The following GNAO1 variants were observed in gnomAD, a reference collection of about 807,000 sequenced individuals.
GNAO1 encodes the protein G protein subunit alpha o1.
For missense variants in GNAO1, 166 were observed against 478.7 expected, an observed-to-expected ratio of 0.35 and a Z score of 6.10; for synonymous variants, 164 against 180.7, an observed-to-expected ratio of 0.91 and a Z score of 0.74.
At chr16:56,217,132 C>A (rs908197150) in intron 2 of GNAO1, among the ~76,000 whole-genome samples, 7 of 152,164 alleles carry the variant, frequency 4.6e-5, no homozygotes, top group African/African-American at 1.7e-4. Flanking sequence ...TAATTTGGAG[C>A]TCAAGATTGA....
At chr16:56,199,532 G>A (rs2036263194) in intron 2 of GNAO1, among the ~76,000 whole-genome samples, 1 of 152,210 alleles carries the variant, frequency 6.6e-6, no homozygotes, top group South Asian at 2.1e-4. Flanking sequence ...CCAGGGAGCA[G>A]AGAGATTTGC....
chr16:56,222,373 C>A (rs1019292590), intron 2 of GNAO1, among the ~76,000 whole-genome samples: 4 of 152,166 alleles, frequency 2.6e-5, no homozygotes, highest in Admixed American at 6.5e-5. Flanking sequence ...CTGCTCCCCA[C>A]AAATTGTAGA....
At chr16:56,218,999 G>A (rs539786819) in intron 2 of GNAO1, among the ~76,000 whole-genome samples, 224 of 152,258 alleles carry the variant, frequency 1.5e-3, no homozygotes, top group Non-Finnish European at 2.4e-3. Context: ...CACTTTAGGG[G>A]AATATGCTCA....
intron 2 of GNAO1, among the ~76,000 whole-genome samples, chr16:56,211,672 CAG>C (rs2036389798): frequency 6.6e-6 from 1 of 152,180 alleles, no homozygotes; most frequent in Non-Finnish European, 1.5e-5. Flanking sequence ...CATCTTGTTT[CAG>C]TCGCGACTTG....
At chr16:56,217,273 G>A (rs576780452) in intron 2 of GNAO1, among the ~76,000 whole-genome samples, 114 of 152,226 alleles carry the variant, frequency 7.5e-4, no homozygotes, top group African/African-American at 2.7e-3. Flanking sequence ...TTACAATTCA[G>A]CAAAAAAGTG....
chr16:56,351,706 G>T lies in GNAO1; in HGVS notation c.877+169G>T, dbSNP rs1241737113. On this transcript the variant is annotated intron_variant, in intron 7 of 8. Coordinates refer to ENST00000262493, the MANE Select transcript of GNAO1 (RefSeq NM_020988.3). This position sits in a 1 kb window ranked among gnomAD's most constrained non-coding sequence, Gnocchi z 6.1. ...AACAGTGCTGTGCCACCAGGTTTGG[G>T]CTTCCCAGGACACAGCCCTCAGCGT... Among the ~76,000 whole-genome samples the T allele has an allele frequency of 6.6e-6, 1 of 152,198 alleles. No individual in the cohort carries two copies. Among genetic ancestry groups the T allele is most frequent in the Admixed American group, 6.5e-5 (1 of 15,288 alleles).
chr16:56,350,827 A>T (rs1293044147), intron 6 of GNAO1, among the ~76,000 whole-genome samples: 1 of 152,126 alleles, frequency 6.6e-6, no homozygotes, highest in Non-Finnish European at 1.5e-5. Context: ...TGGGCCCAGG[A>T]GGAGAGGTCT....
chr16:56,209,361 T>C (rs995258472), intron 2 of GNAO1, among the ~76,000 whole-genome samples: 65 of 152,316 alleles, frequency 4.3e-4, no homozygotes, highest in African/African-American at 1.6e-3. Context: ...TTGATTATGA[T>C]AGCTTTGTAA....
In GNAO1 at chr16:56,351,316, TTC is replaced by T; in HGVS notation, c.724-64_724-63del. The T allele has an allele frequency of 8.5e-7, 1 of 1,173,422 alleles. No individual in the cohort carries two copies. Among genetic ancestry groups the T allele is most frequent in the South Asian group, 1.3e-5 (1 of 76,168 alleles). The allele number at this position is 1,173,422 out of a possible 1,614,324, so 72.7% of individuals were successfully genotyped here. Reference sequence around the variant, plus strand: ...CTCTCTGTCAAGCCTAATTCTCTCCTTCTCTTTCCCTGTCTCTGTGTCTCCCT... The same window carrying T: ...CTCTCTGTCAAGCCTAATTCTCTCCTTCTTTCCCTGTCTCTGTGTCTCCCT... On this transcript the variant is annotated intron_variant, in intron 6 of 8. Coordinates refer to ENST00000262493, the MANE Select transcript of GNAO1 (RefSeq NM_020988.3). This position sits in a 1 kb window ranked among gnomAD's most constrained non-coding sequence, Gnocchi z 6.1.
chr16:56,248,406 G>A lies in GNAO1; in HGVS notation c.162-27525G>A, dbSNP rs558165797. Among the ~76,000 whole-genome samples, 9 of 152,282 alleles carry A rather than the reference G, an allele frequency of 5.9e-5. No homozygotes were observed. The South Asian group carries it at 1.2e-3, about 21-fold the overall frequency. Reference sequence around the variant, plus strand: ...TGTCCAAAGCCATGTACTGAGAATGGCGGGAGATACAAAAAGAGTTTGTTC... The same window carrying A: ...TGTCCAAAGCCATGTACTGAGAATGACGGGAGATACAAAAAGAGTTTGTTC... On this transcript the variant is annotated intron_variant, in intron 2 of 8. Coordinates refer to ENST00000262493, the MANE Select transcript of GNAO1 (RefSeq NM_020988.3).
intron 3 of GNAO1, among the ~76,000 whole-genome samples, chr16:56,277,903 C>G (rs571718567): frequency 6.6e-6 from 1 of 151,984 alleles, no homozygotes; most frequent in Admixed American, 6.6e-5. Context: ...TCCTAAAAAT[C>G]TCCTATACTG....
intron 2 of GNAO1, among the ~76,000 whole-genome samples, chr16:56,254,918 G>C (rs1486877282): frequency 6.6e-6 from 1 of 152,016 alleles, no homozygotes; most frequent in East Asian, 1.9e-4. Context: ...TTGAACACAA[G>C]ATAACATGAA....
intron 2 of GNAO1, among the ~76,000 whole-genome samples, chr16:56,199,553 AAG>A (rs778172711): frequency 6.6e-5 from 10 of 152,168 alleles, no homozygotes; most frequent in Non-Finnish European, 1.5e-4. Context: ...AGACTAGTAA[AAG>A]GGGAGGCTCA....
At chr16:56,270,081 A>C (rs2037001934) in intron 2 of GNAO1, among the ~76,000 whole-genome samples, 1 of 152,132 alleles carries the variant, frequency 6.6e-6, no homozygotes. Flanking sequence ...GGGGAGAACC[A>C]GGGTTTCTCC....
rs760627550 is a variant in GNAO1 at position 56,325,319 on chromosome 16, G to A, written c.304-3312G>A. 1.1e-3 allele frequency among the ~76,000 whole-genome samples: 166 copies of A among 152,220 alleles called. 2 individuals are homozygous for A. Among genetic ancestry groups the A allele is most frequent in the Admixed American group, 6.7e-3 (103 of 15,296 alleles). ...TGGAGAAACCCCATCTCTACTAAAA[G>A]TACAAAATTAGCCGGGCGTGGTGGC... On this transcript the variant is annotated intron_variant, in intron 3 of 8. Coordinates refer to ENST00000262493, the MANE Select transcript of GNAO1 (RefSeq NM_020988.3).
intron 2 of GNAO1, among the ~76,000 whole-genome samples, chr16:56,254,585 A>C (rs1397784673): frequency 7.2e-5 from 11 of 152,098 alleles, no homozygotes; most frequent in Admixed American, 7.2e-4. Context: ...TTTCTTATAA[A>C]CAGCATGCAC....
intron 2 of GNAO1, among the ~76,000 whole-genome samples, chr16:56,251,633 C>CT (rs1205207267): frequency 1.3e-5 from 2 of 152,166 alleles, no homozygotes; most frequent in Non-Finnish European, 2.9e-5. Context: ...TTGCCTGTGG[C>CT]TTTGTTTCCT....
At chr16:56,238,108 C>G (rs765491916) in intron 2 of GNAO1, among the ~76,000 whole-genome samples, 12 of 151,152 alleles carry the variant, frequency 7.9e-5, no homozygotes, top group East Asian at 1.9e-4. Flanking sequence ...CAGATCCCCC[C>G]CCGCCCGCCC....
chr16:56,300,176 T>C (rs777757453), intron 3 of GNAO1, among the ~76,000 whole-genome samples: 1 of 152,116 alleles, frequency 6.6e-6, no homozygotes, highest in Non-Finnish European at 1.5e-5. Flanking sequence ...GTAGCTTTTG[T>C]CCCATGTCAA....
Sources: gnomAD v4.1 joint callset for allele counts (sites outside exome capture counted in the v4.1 genomes callset) on GRCh38, gnomAD v4.1.1 for gene constraint, Gnocchi (gnomAD v3.1) non-coding constraint, MANE v1.5 for transcripts, NCBI Gene and HGNC (gene_info 2026-07-23, HGNC 2026-07-21) for gene names.